Variants in ADAM7 observed in about 807,000 individuals in gnomAD.
ADAM7 encodes disintegrin and metalloproteinase domain-containing protein 7.
Under a neutral mutation model 102.9 loss-of-function variants are expected in ADAM7, and 97 were observed. The observed-to-expected ratio is 0.94, with a 90% CI of 0.80 to 1.12. The LOEUF is 1.12. Among genes scored for constraint, ADAM7 ranks in the 50% most tolerant of loss-of-function variants. The probability of loss-of-function intolerance (pLI) is 0.00; values close to 1 mark genes in which losing one functional copy is unlikely to be tolerated. For missense variants in ADAM7, 991 were observed against 908.7 expected, an observed-to-expected ratio of 1.09 and a Z score of -1.16; for synonymous variants, 334 against 304.4, an observed-to-expected ratio of 1.10 and a Z score of -1.01.
At chr8:24,490,506 C>T (rs1820304858) in intron 12 of ADAM7, 2 of 278,328 alleles carry the variant, frequency 7.2e-6, no homozygotes, top group Non-Finnish European at 1.4e-5. Flanking sequence ...GCAGTATGAC[C>T]CTTCAAGGAA....
chr8:24,507,495 G>T lies in ADAM7; in HGVS notation c.2224G>T (p.Asp742Tyr). ...TTTATTATAGAAACCTGCAAGTAAA[G>T]ATTCAAGAGGAATCGCAGATCCCAA... is the stretch of plus-strand genomic sequence containing the variant. ...IHFLNKPASK[D>Y]SRGIADPNQS... The change falls in exon 21 of 22, where the codon GAT (aspartate) becomes TAT (tyrosine). Residue 742 changes from aspartate to tyrosine, a missense_variant. Transcript: ENST00000175238. 1.2e-6 allele frequency: 2 copies of T among 1,612,620 alleles called. No homozygotes were observed. Among genetic ancestry groups the T allele is most frequent in the Non-Finnish European group, 1.7e-6 (2 of 1,178,812 alleles).
At chr8:24,482,415 G>A in intron 9 of ADAM7, 104 bp downstream of exon 9, 1 of 1,204,974 alleles carries the variant, frequency 8.3e-7, no homozygotes, top group Non-Finnish European at 1.2e-6. Context: ...TTTGACTTTT[G>A]GGTAGCACAC....
intron 3 of ADAM7, among the ~76,000 whole-genome samples, chr8:24,459,382 ATTTGGG>A (rs1485984013): frequency 6.6e-6 from 1 of 151,890 alleles, no homozygotes; most frequent in East Asian, 1.9e-4. Context: ...ATTATTGGTA[ATTTGGG>A]TTCTTCTTAT....
At chr8:24,442,002 C>T (rs1277051499) in intron 1 of ADAM7, among the ~76,000 whole-genome samples, 2 of 151,936 alleles carry the variant, frequency 1.3e-5, no homozygotes, top group African/African-American at 2.4e-5. Context: ...GGTGAAACCC[C>T]GTCTCTACTA....
Position 24,508,636 on chromosome 8 carries a change from A to C in ADAM7, c.*90A>C. On this transcript the variant is annotated 3_prime_UTR_variant, in exon 22 of 22. Transcript: ENST00000175238. ...TTACAACCTTACCTAGATATCTGCT[A>C]CTCACATTTTTGGTAGTGTTTCAAA... 1 of 1,597,226 alleles carries C rather than the reference A, an allele frequency of 6.3e-7. No individual in the cohort carries two copies. Among genetic ancestry groups the C allele is most frequent in the Non-Finnish European group, 8.5e-7 (1 of 1,169,882 alleles).
chr8:24,496,534 G>A (rs528560612), intron 16 of ADAM7, among the ~76,000 whole-genome samples: 108 of 152,310 alleles, frequency 7.1e-4, no homozygotes, highest in African/African-American at 2.3e-3. Context: ...CCAGAAGGGA[G>A]GCTATATCCT....
chr8:24,443,462 C>T (rs147609209), intron 2 of ADAM7, among the ~76,000 whole-genome samples: 67 of 152,286 alleles, frequency 4.4e-4, no homozygotes, highest in African/African-American at 1.6e-3. Context: ...TAATATGTAA[C>T]TATTTTGTTC....
In ADAM7 at chr8:24,509,080, T is replaced by C. The variant is rs1172154868; in HGVS notation, c.*534T>C. 4.1e-6 allele frequency: 4 copies of C among 986,168 alleles called. No individual in the cohort carries two copies. The highest frequency in any genetic ancestry group is 3.6e-6 in the Non-Finnish European group (3 of 830,572). 61.1% of individuals were successfully genotyped at this position (986,168 alleles called of 1,614,324 possible). A position where few individuals can be genotyped will look rare whatever the true frequency, so the allele number is the denominator to read the frequency against. The stretch of plus-strand genomic sequence containing the variant: ...ATTAAAAGTGAAAGAGGCAGAAGAA[T>C]AGTGGACAGAACTGCAGGATAGTCC... On this transcript the variant is annotated 3_prime_UTR_variant, in exon 22 of 22. Coordinates refer to ENST00000175238, the MANE Select transcript of ADAM7 (RefSeq NM_003817.4).
rs1333012683 is a variant in ADAM7 at position 24,476,473 on chromosome 8, G to A, written c.674G>A (p.Arg225Gln). 17 of 1,608,578 alleles carry A rather than the reference G, an allele frequency of 1.1e-5. No homozygotes were observed. Among genetic ancestry groups the A allele is most frequent in the Middle Eastern group, 1.7e-4 (1 of 6,030 alleles). Residue 225 changes from arginine (R) to glutamine (Q), a missense_variant, in exon 8 of 22, where the codon CGA (arginine) becomes CAA (glutamine). Coordinates refer to ENST00000175238, the MANE Select transcript of ADAM7 (RefSeq NM_003817.4). ...NGHPHNKLRN[R>Q]IWGMVNFVNM... is the part of the protein sequence containing the mutation. The stretch of plus-strand genomic sequence containing the variant: ...CATCCTCACAATAAACTAAGGAACC[G>A]AATTTGGGGAATGGTCAATTTTGTC...
chr8:24,491,030 T>G (rs1189638607), intron 13 of ADAM7, 142 bp downstream of exon 13: 2 of 769,848 alleles, frequency 2.6e-6, no homozygotes, highest in Non-Finnish European at 4.2e-6. Flanking sequence ...GAGATTCTTG[T>G]GAGATGCTCC....
chr8:24,492,584 C>G lies in ADAM7; in HGVS notation c.1642C>G (p.Pro548Ala). 6.2e-7 allele frequency: 1 copy of G among 1,611,816 alleles called. No homozygotes were observed. The highest frequency in any genetic ancestry group is 8.5e-7 in the Non-Finnish European group (1 of 1,178,586). ...CAAAAACAAGGAAAACAGATTTCTT[C>G]CCTGTGAGGAGAAGTAAGTGCCCTG... ...YCKNKENRFLPCEEKDVRCGK... is the reference protein window; with the variant it reads ...YCKNKENRFLACEEKDVRCGK... Residue 548 changes from proline to alanine, a missense_variant, in exon 15 of 22, where the codon CCC becomes GCC. By Grantham distance (27) the Pro-to-Ala change is conservative. Transcript: ENST00000175238.
At chr8:24,449,472 T>C (rs1030724135) in intron 3 of ADAM7, among the ~76,000 whole-genome samples, 4 of 152,346 alleles carry the variant, frequency 2.6e-5, no homozygotes, top group African/African-American at 9.6e-5. Context: ...TGTCTGTTCA[T>C]GGCCTTAGCC....
At chr8:24,455,978 A>G (rs1046202849) in intron 3 of ADAM7, among the ~76,000 whole-genome samples, 21 of 152,068 alleles carry the variant, frequency 1.4e-4, no homozygotes, top group Non-Finnish European at 1.3e-4. Context: ...TTTGTGGTGC[A>G]AACACTTGAA....
Position 24,469,232 on chromosome 8 carries a change from T to C in ADAM7, c.633+412T>C, listed in dbSNP as rs149624019. Among the ~76,000 whole-genome samples, 459 of 152,274 alleles carry C rather than the reference T, an allele frequency of 3.0e-3. 1 individual carries two copies. The highest frequency in any genetic ancestry group is 0.02 in the Middle Eastern group (6 of 294). Reference sequence around the variant, plus strand: ...AAGAGGCAATTGTAATGTAATTGAATGTAAACCCCTGAGAAGCACAATACT... The same window carrying C: ...AAGAGGCAATTGTAATGTAATTGAACGTAAACCCCTGAGAAGCACAATACT... On this transcript the variant is annotated intron_variant, in intron 7 of 21. Coordinates refer to ENST00000175238, the MANE Select transcript of ADAM7 (RefSeq NM_003817.4).
intron 3 of ADAM7, among the ~76,000 whole-genome samples, chr8:24,455,163 CAG>C (rs1818983221): frequency 6.6e-6 from 1 of 152,046 alleles, no homozygotes; most frequent in African/African-American, 2.4e-5. Flanking sequence ...TTTTAACACA[CAG>C]AGCAGAATTG....
At chr8:24,443,088 T>G (rs1290443415) in intron 2 of ADAM7, among the ~76,000 whole-genome samples, 1 of 152,218 alleles carries the variant, frequency 6.6e-6, no homozygotes, top group South Asian at 2.1e-4. Flanking sequence ...AGATAATATA[T>G]GTAAGAGGGA....
chr8:24,492,010 T>C lies in ADAM7; in HGVS notation c.1464T>C (p.Asn488=), dbSNP rs139115878. The part of the protein sequence containing the change: ...PACPKDQFRV[N]GFPCKNSEGY... ...GTCCTAAGGACCAGTTCAGGGTCAA[T>C]GGATTTCCTTGCAAGAACTCAGAAG... Residue 488 remains asparagine, a synonymous_variant, in exon 14 of 22, where the codon AAT becomes AAC. Transcript: ENST00000175238. 134 of 1,613,876 alleles carry C rather than the reference T, an allele frequency of 8.3e-5. No homozygotes were observed. The highest frequency in any genetic ancestry group is 2.6e-4 in the South Asian group (24 of 91,076).
chr8:24,504,552 C>T (rs1416964894), intron 20 of ADAM7, among the ~76,000 whole-genome samples: 1 of 151,880 alleles, frequency 6.6e-6, no homozygotes, highest in African/African-American at 2.4e-5. Context: ...ATCGAAAGGC[C>T]CAAATTTTAA....
At chr8:24,481,245 A>G (rs1358848954) in intron 8 of ADAM7, among the ~76,000 whole-genome samples, 1 of 152,204 alleles carries the variant, frequency 6.6e-6, no homozygotes, top group African/African-American at 2.4e-5. Flanking sequence ...CTACTGACAC[A>G]TGGAATTGAG....
Sources: allele counts gnomAD v4.1 joint callset (sites outside exome capture counted in the v4.1 genomes callset), GRCh38; gene constraint gnomAD v4.1.1; transcripts MANE v1.5; gene names NCBI Gene and HGNC (gene_info 2026-07-23, HGNC 2026-07-21).